The following COL5A1 variants were observed in gnomAD, a reference collection of about 807,000 sequenced individuals.
COL5A1 encodes collagen alpha-1(V) chain.
In COL5A1, 16 loss-of-function variants were observed where a neutral mutation model predicts 263.7. The observed-to-expected ratio is 0.06, with a 90% CI of 0.04 to 0.09. COL5A1 has a LOEUF of 0.09. Ranked by LOEUF, COL5A1 falls within the 10% of genes least tolerant of loss-of-function variation. The probability of loss-of-function intolerance (pLI) is 1.00; values close to 1 mark genes in which losing one functional copy is unlikely to be tolerated. For missense variants in COL5A1, 2,036 were observed against 2,540.5 expected, an observed-to-expected ratio of 0.80 and a Z score of 4.27; for synonymous variants, 1,012 against 1,004.5, an observed-to-expected ratio of 1.01 and a Z score of -0.14.
At chr9:134,703,586 GA>G in intron 4 of COL5A1, among the ~76,000 whole-genome samples, 1 of 151,716 alleles carries the variant, frequency 6.6e-6, no homozygotes, top group South Asian at 2.1e-4. Flanking sequence ...TCTGTGGGTC[GA>G]GGCCCTGCCT....
chr9:134,809,684 C>T (rs1838443988), intron 43 of COL5A1, among the ~76,000 whole-genome samples: 1 of 152,206 alleles, frequency 6.6e-6, no homozygotes, highest in Non-Finnish European at 1.5e-5. Flanking sequence ...CTTGAATTAT[C>T]CAGGCTCCCG....
At chr9:134,817,748 C>CA (rs749400975) in intron 53 of COL5A1, 30 bp from the exon 54 acceptor site, 1 of 1,608,152 alleles carries the variant, frequency 6.2e-7, no homozygotes, top group Middle Eastern at 1.7e-4. Flanking sequence ...AGGCCACACT[C>CA]ACCACCTGCT....
rs192731665 is a variant in COL5A1, at chr9:134,822,962, C to A, written c.4609-36C>A. On this transcript the variant is annotated intron_variant, in intron 59 of 65. Coordinates refer to ENST00000371817, the MANE Select transcript of COL5A1 (RefSeq NM_000093.5). ...AGCACGGTGGGGCTGGAGCTGAGAC[C>A]CGGCTTGCTGACGTTCTGCCCTCCT... is the stretch of plus-strand genomic sequence containing the variant. The A allele has an allele frequency of 2.9e-4, 470 of 1,613,754 alleles. 2 individuals carry two copies. The highest frequency in any genetic ancestry group is 3.1e-4 in the Non-Finnish European group (371 of 1,179,892).
rs375762619 is a variant in COL5A1, at chr9:134,750,794, G to A, written c.1574G>A (p.Arg525Gln). 61 of 1,613,332 alleles carry A rather than the reference G, an allele frequency of 3.8e-5. No individual in the cohort carries two copies. The highest frequency in any genetic ancestry group is 2.7e-4 in the Admixed American group (16 of 60,024). ...PPGTMLMLPF[R>Q]FGGGGDAGSK... Reference sequence around the variant, plus strand: ...ACCCTTGTCTTACACTTGCAGTTCCGGTTTGGAGGTGGCGGCGATGCGGGC... The same window carrying A: ...ACCCTTGTCTTACACTTGCAGTTCCAGTTTGGAGGTGGCGGCGATGCGGGC... The change falls in exon 13 of 66, where the codon CGG becomes CAG. Residue 525 changes from arginine to glutamine, a missense_variant. By Grantham distance (43) the Arg-to-Gln change is conservative. Around this residue, in one of 3 missense-constraint regions of COL5A1, gnomAD observed 1,078 missense variants for 1,521.4 expected, o/e 0.71. Coordinates refer to ENST00000371817, the MANE Select transcript of COL5A1 (RefSeq NM_000093.5).
At chr9:134,839,887 C>G (rs1035873536) in intron 65 of COL5A1, among the ~76,000 whole-genome samples, 9 of 152,268 alleles carry the variant, frequency 5.9e-5, no homozygotes, top group African/African-American at 2.2e-4. Flanking sequence ...CACAGGAGAG[C>G]TGTGGCCACC....
intron 63 of COL5A1, 51 bp downstream of exon 63, chr9:134,825,955 G>T (rs1451541595): frequency 8.2e-7 from 1 of 1,226,142 alleles, no homozygotes. Flanking sequence ...GTCACAGACA[G>T]GGCCATGCCG....
chr9:134,813,367 C>T (rs986302237), intron 48 of COL5A1, among the ~76,000 whole-genome samples: 4 of 152,118 alleles, frequency 2.6e-5, no homozygotes, highest in South Asian at 2.1e-4. Context: ...CCCTGTGCAC[C>T]GTTTCCAGAG....
intron 11 of COL5A1, among the ~76,000 whole-genome samples, chr9:134,740,923 G>C (rs1483008212): frequency 6.6e-6 from 1 of 152,172 alleles, no homozygotes; most frequent in Non-Finnish European, 1.5e-5. Flanking sequence ...AACTCCTCCA[G>C]GGTCTGCCAT....
chr9:134,842,150 TC>T lies in COL5A1; in HGVS notation c.5371-3del. 3 of 1,613,930 alleles carry T rather than the reference TC, an allele frequency of 1.9e-6. No homozygotes were observed. Among genetic ancestry groups the T allele is most frequent in the Non-Finnish European group, 2.5e-6 (3 of 1,179,988 alleles). ...AACCACCGGCCATCTGTCTCCCTCT[TC>T]CCCAGACCAAGAAAGGCTACCAGAA... On this transcript the variant is annotated splice_polypyrimidine_tract_variant and splice_region_variant and intron_variant, in intron 65 of 65. Transcript: ENST00000371817. The surrounding 1 kb of genome is among the most constrained non-coding windows in gnomAD (Gnocchi z 5.8).
intron 62 of COL5A1, among the ~76,000 whole-genome samples, chr9:134,825,124 G>A (rs1487404611): frequency 6.6e-6 from 1 of 152,200 alleles, no homozygotes; most frequent in Non-Finnish European, 1.5e-5. Context: ...CTGGCGGGGT[G>A]ACCTGCTTGA....
At chr9:134,657,348 GC>G (rs1260931726) in intron 1 of COL5A1, among the ~76,000 whole-genome samples, 3 of 85,554 alleles carry the variant, frequency 3.5e-5, no homozygotes, top group African/African-American at 4.9e-5. Context: ...TAATATGGGG[GC>G]TGGGGTAGGG....
intron 1 of COL5A1, among the ~76,000 whole-genome samples, chr9:134,689,452 G>A (rs1054675499): frequency 6.6e-6 from 1 of 152,188 alleles, no homozygotes; most frequent in African/African-American, 2.4e-5. Flanking sequence ...AACTCCAATT[G>A]GCATTAGCAT....
chr9:134,720,890 G>A (rs952791982), intron 4 of COL5A1, among the ~76,000 whole-genome samples: 2 of 152,154 alleles, frequency 1.3e-5, no homozygotes, highest in African/African-American at 4.8e-5. Context: ...AAGGAGGGGC[G>A]TCCCCGCATC....
In COL5A1 at chr9:134,773,069, C is replaced by CTGCCCATGACCGGATCGGG. The variant is rs6151208; in HGVS notation, c.2331+247_2331+265dup. On this transcript the variant is annotated intron_variant, in intron 26 of 65. Transcript: ENST00000371817. ...TGCCCCTCACCCCACCCTCCAGTTG[C>CTGCCCATGACCGGATCGGG]TGCCCATGACCGGATCGGGTGCCCA... Among the ~76,000 whole-genome samples, 42,891 of 151,006 alleles carry CTGCCCATGACCGGATCGGG rather than the reference C, an allele frequency of 0.28. 6,453 individuals are homozygous for CTGCCCATGACCGGATCGGG. The highest frequency in any genetic ancestry group is 0.61 in the East Asian group (3,051 of 4,962).
At chr9:134,653,979 A>G (rs1362511708) in intron 1 of COL5A1, among the ~76,000 whole-genome samples, 81 of 57,896 alleles carry the variant, frequency 1.4e-3, no homozygotes, top group Middle Eastern at 0.015. Context: ...TAGGGCTGGA[A>G]GTGTATAGGG....
At position 134,805,082 on chromosome 9, in the gene COL5A1, C is replaced by T. The variant is rs551046778; in HGVS notation, c.3204+18C>T. ...GTCCAGTGGTGAGTGAGAGGCCAGG[C>T]GGGGAATGAAATGGGACAGGTGCAG... On this transcript the variant is annotated intron_variant, in intron 40 of 65. Coordinates refer to ENST00000371817, the MANE Select transcript of COL5A1 (RefSeq NM_000093.5). 33 of 1,613,352 alleles carry T rather than the reference C, an allele frequency of 2.0e-5. No individual in the cohort carries two copies. The highest frequency in any genetic ancestry group is 4.5e-5 in the East Asian group (2 of 44,876).
chr9:134,750,359 G>A (rs1835729029), intron 11 of COL5A1, among the ~76,000 whole-genome samples, 183 bp from the exon 12 acceptor site: 1 of 152,162 alleles, frequency 6.6e-6, no homozygotes, highest in South Asian at 2.1e-4. Flanking sequence ...TCAGCCCACA[G>A]CCGTGCCCCT....
chr9:134,699,662 C>T (rs1267221774), intron 2 of COL5A1, among the ~76,000 whole-genome samples: 1 of 152,186 alleles, frequency 6.6e-6, no homozygotes, highest in East Asian at 1.9e-4. Context: ...CTGGAAGGAC[C>T]AGTTGTGTTT....
chr9:134,833,582 T>G (rs1449103726), intron 64 of COL5A1, among the ~76,000 whole-genome samples: 1 of 151,932 alleles, frequency 6.6e-6, no homozygotes, highest in African/African-American at 2.4e-5. Flanking sequence ...GTGGTCTTTC[T>G]TGAGTGGCCA....
Sources: allele counts gnomAD v4.1 joint callset (sites outside exome capture counted in the v4.1 genomes callset), GRCh38; gene constraint gnomAD v4.1.1; regional missense constraint gnomAD v4.1.1; non-coding constraint Gnocchi (gnomAD v3.1); transcripts MANE v1.5; gene names NCBI Gene and HGNC (gene_info 2026-07-23, HGNC 2026-07-21).